ASIC2: variants seen among roughly 807,000 people sequenced by gnomAD.
ASIC2 encodes acid-sensing ion channel 2.
In ASIC2, 25 loss-of-function variants were observed where a neutral mutation model predicts 57.3. That is an observed-to-expected ratio of 0.44 (90% CI 0.32 to 0.61). The LOEUF is 0.61. Ranked by LOEUF, ASIC2 falls within the 20% of genes least tolerant of loss-of-function variation. ASIC2 has a pLI of 0.06. For synonymous variants in ASIC2, 319 were observed against 307.5 expected (o/e 1.04, Z -0.39); for missense variants, 641 against 738.1 (o/e 0.87, Z 1.52).
At chr17:33,555,075 A>G (rs1915865626) in intron 1 of ASIC2, among the ~76,000 whole-genome samples, 2 of 152,150 alleles carry the variant, frequency 1.3e-5, no homozygotes, top group South Asian at 2.1e-4. Flanking sequence ...TCCAATGTCT[A>G]TGTCTCAAAT....
At chr17:33,047,673 A>T (rs993517852) in intron 3 of ASIC2, among the ~76,000 whole-genome samples, 1 of 152,040 alleles carries the variant, frequency 6.6e-6, no homozygotes, top group Non-Finnish European at 1.5e-5. Flanking sequence ...TTTCATTTCC[A>T]CTAAATGATT....
intron 1 of ASIC2, among the ~76,000 whole-genome samples, chr17:33,751,009 C>T (rs1014673442): frequency 6.6e-6 from 1 of 152,036 alleles, no homozygotes; most frequent in African/African-American, 2.4e-5. Flanking sequence ...TGAAAGGGGG[C>T]CCCTTTTGTT....
chr17:33,970,557 GGCA>G (rs2141997965), intron 1 of ASIC2, among the ~76,000 whole-genome samples: 1 of 152,324 alleles, frequency 6.6e-6, no homozygotes, highest in African/African-American at 2.4e-5. Context: ...AGGGAAGTTA[GGCA>G]GCTTTGGCTC....
At chr17:33,853,615 G>C (rs1243213665) in intron 1 of ASIC2, among the ~76,000 whole-genome samples, 1 of 152,212 alleles carries the variant, frequency 6.6e-6, no homozygotes, top group Non-Finnish European at 1.5e-5. Context: ...GTCTTCTGCA[G>C]TTCCCTCTGA....
chr17:33,099,306 C>T (rs151024762), intron 2 of ASIC2, among the ~76,000 whole-genome samples: 13 of 152,192 alleles, frequency 8.5e-5, no homozygotes, highest in African/African-American at 2.2e-4. Flanking sequence ...CATGAGCCAC[C>T]GCACCCAGCC....
intron 1 of ASIC2, chr17:34,003,257 C>T (rs1281850683): frequency 6.6e-6 from 1 of 152,188 alleles, no homozygotes; most frequent in Non-Finnish European, 1.5e-5. Context: ...ATGACTTAAC[C>T]TCTTTGACCT....
chr17:33,323,377 C>T (rs1326954155), intron 1 of ASIC2, among the ~76,000 whole-genome samples: 2 of 152,098 alleles, frequency 1.3e-5, no homozygotes, highest in African/African-American at 4.8e-5. Context: ...TGACTACAGG[C>T]AACAATATGG....
chr17:33,840,823 A>ACG (rs1424945160), intron 1 of ASIC2, among the ~76,000 whole-genome samples: 2 of 152,062 alleles, frequency 1.3e-5, no homozygotes, highest in Non-Finnish European at 2.9e-5. Context: ...ACACACACAC[A>ACG]CAGAGCCTAG....
At chr17:33,264,776 C>T (rs1026801382) in intron 1 of ASIC2, among the ~76,000 whole-genome samples, 4 of 152,220 alleles carry the variant, frequency 2.6e-5, no homozygotes, top group African/African-American at 9.6e-5. Flanking sequence ...GGTGAGGGTG[C>T]TGATAGCATG....
rs968157739 is a variant in ASIC2, at chr17:34,121,409, T to C, written c.555+34569A>G. ...CCCCACAACCACCCTTGTCCCAGTATTACCCCTCCCTCGTCTCTCCCATCT... is the reference window on the plus strand; with the variant it reads ...CCCCACAACCACCCTTGTCCCAGTACTACCCCTCCCTCGTCTCTCCCATCT... On this transcript the variant is annotated intron_variant, in intron 1 of 9. Transcript: ENST00000359872. Among the ~76,000 whole-genome samples, 3 of 152,080 alleles carry C rather than the reference T, an allele frequency of 2.0e-5. No homozygotes were observed. In the South Asian group the frequency reaches 6.2e-4, roughly 32 times the overall value.
At chr17:33,646,489 G>A (rs1354736775) in intron 1 of ASIC2, among the ~76,000 whole-genome samples, 1 of 152,176 alleles carries the variant, frequency 6.6e-6, no homozygotes, top group Non-Finnish European at 1.5e-5. Flanking sequence ...GAAGGAATTA[G>A]GGGAAGACGA....
chr17:33,374,355 C>T (rs753939659), intron 1 of ASIC2, among the ~76,000 whole-genome samples: 9 of 152,190 alleles, frequency 5.9e-5, no homozygotes, highest in Middle Eastern at 3.4e-3. Flanking sequence ...TCATCTAGAC[C>T]GGTGACTCAT....
chr17:33,226,907 C>G (rs1907900989), intron 1 of ASIC2, among the ~76,000 whole-genome samples: 1 of 152,154 alleles, frequency 6.6e-6, no homozygotes, highest in Non-Finnish European at 1.5e-5. Context: ...TTATATTTTT[C>G]ACTCATTACA....
chr17:33,637,023 TCTC>T (rs1358641992), intron 1 of ASIC2, among the ~76,000 whole-genome samples: 1 of 151,966 alleles, frequency 6.6e-6, no homozygotes, highest in East Asian at 1.9e-4. Context: ...TCCTCCTTCT[TCTC>T]CTCCCCTTGT....
chr17:33,410,656 G>T (rs1372518865), intron 1 of ASIC2, among the ~76,000 whole-genome samples: 1 of 152,124 alleles, frequency 6.6e-6, no homozygotes, highest in Non-Finnish European at 1.5e-5. Flanking sequence ...CTCCCCATCT[G>T]CTGCCTCCTT....
intron 5 of ASIC2, among the ~76,000 whole-genome samples, 181 bp downstream of exon 5, chr17:33,025,745 T>C (rs2091856347): frequency 6.6e-6 from 1 of 152,064 alleles, no homozygotes; most frequent in Non-Finnish European, 1.5e-5. Flanking sequence ...CAACCTTCTC[T>C]TCTTCCTCCT....
chr17:33,425,471 A>G (rs1371570017), intron 1 of ASIC2, among the ~76,000 whole-genome samples: 3 of 152,234 alleles, frequency 2.0e-5, no homozygotes, highest in Non-Finnish European at 4.4e-5. Context: ...CAAAAATAAC[A>G]TGATTAGAAA....
intron 3 of ASIC2, among the ~76,000 whole-genome samples, chr17:33,062,705 C>T (rs1327403053): frequency 6.6e-6 from 1 of 152,072 alleles, no homozygotes; most frequent in African/African-American, 2.4e-5. Flanking sequence ...GAATTCAATT[C>T]CTGGATATCC....
chr17:33,105,109 T>G (rs1441233241), intron 2 of ASIC2, among the ~76,000 whole-genome samples: 1 of 152,140 alleles, frequency 6.6e-6, no homozygotes, highest in Non-Finnish European at 1.5e-5. Flanking sequence ...GGGACTTGTG[T>G]TTAGTGGAAG....
Sources: gnomAD v4.1 joint callset for allele counts (sites outside exome capture counted in the v4.1 genomes callset) on GRCh38, gnomAD v4.1.1 for gene constraint, MANE v1.5 for transcripts, NCBI Gene and HGNC (gene_info 2026-07-23, HGNC 2026-07-21) for gene names.